Variants in MINDY4 observed in about 807,000 individuals in gnomAD.
MINDY4 encodes the protein probable ubiquitin carboxyl-terminal hydrolase MINDY-4.
Under a neutral mutation model 87.0 loss-of-function variants are expected in MINDY4, and 68 were observed. The observed-to-expected ratio is 0.78, with a 90% CI of 0.64 to 0.96. The LOEUF (loss-of-function observed/expected upper bound fraction) is 0.96. MINDY4 is among the 40% of genes least tolerant of loss of function. MINDY4 has a pLI of 0.00. For synonymous variants in MINDY4, 379 were observed against 363.2 expected (o/e 1.04, Z -0.50); for missense variants, 919 against 928.2 (o/e 0.99, Z 0.13).
At chr7:30,836,605 C>A in intron 6 of MINDY4, 53 bp from the exon 7 acceptor site, 1 of 1,414,834 alleles carries the variant, frequency 7.1e-7, no homozygotes, top group Non-Finnish European at 1.0e-6. Context: ...ACTTCATGTT[C>A]TGTTCTCCGT....
chr7:30,856,524 GT>G (rs766840875), intron 12 of MINDY4, among the ~76,000 whole-genome samples: 89 of 152,010 alleles, frequency 5.9e-4, no homozygotes, highest in Middle Eastern at 3.4e-3. Context: ...CAGAGTTGGG[GT>G]TTACAGTGGG....
chr7:30,791,508 C>A lies in MINDY4; in HGVS notation c.1007C>A (p.Ser336Tyr). The A allele has an allele frequency of 6.2e-7, 1 of 1,613,926 alleles. No homozygotes were observed. The highest frequency in any genetic ancestry group is 8.5e-7 in the Non-Finnish European group (1 of 1,179,922). ...AAGCTCTACTTGCCTGGTGGTAATT[C>A]CAGGATGACCCAGGAGAGGCTGGAA... The part of the protein sequence containing the change: ...PLKLYLPGGN[S>Y]RMTQERLERA... The change falls in exon 5 of 18, where the codon TCC becomes TAC. Residue 336 changes from serine to tyrosine, a missense_variant. By Grantham distance (144) the Ser-to-Tyr change is moderately radical (BLOSUM62 -2). Coordinates refer to ENST00000265299, the MANE Select transcript of MINDY4 (RefSeq NM_032222.3).
chr7:30,886,857 T>A (rs561037652), intron 17 of MINDY4, among the ~76,000 whole-genome samples: 2 of 152,086 alleles, frequency 1.3e-5, no homozygotes, highest in African/African-American at 2.4e-5. Flanking sequence ...CCCACTGTTA[T>A]ACTGTAACCA....
intron 8 of MINDY4, 147 bp from the exon 9 acceptor site, chr7:30,840,613 G>A: frequency 1.6e-6 from 1 of 623,638 alleles, no homozygotes; most frequent in African/African-American, 1.8e-5. Flanking sequence ...GTGTGTTGTA[G>A]AAGCAGTTGC....
intron 5 of MINDY4, among the ~76,000 whole-genome samples, chr7:30,826,078 C>T (rs1269591622): frequency 6.6e-6 from 1 of 152,188 alleles, no homozygotes; most frequent in African/African-American, 2.4e-5. Flanking sequence ...TTCTCTTCTC[C>T]CTTTACCTCT....
intron 16 of MINDY4, among the ~76,000 whole-genome samples, chr7:30,882,655 G>A (rs1240124594): frequency 6.6e-6 from 1 of 152,222 alleles, no homozygotes; most frequent in African/African-American, 2.4e-5. Context: ...TTCAGGCAGT[G>A]GCGAGCCATG....
At chr7:30,869,687 A>C (rs770810009) in intron 13 of MINDY4, among the ~76,000 whole-genome samples, 42 of 152,154 alleles carry the variant, frequency 2.8e-4, no homozygotes, top group Admixed American at 5.9e-4. Flanking sequence ...CCTCATTTTA[A>C]GTTAGTCACC....
At chr7:30,816,910 G>A (rs1375252425) in intron 5 of MINDY4, among the ~76,000 whole-genome samples, 1 of 152,168 alleles carries the variant, frequency 6.6e-6, no homozygotes, top group Non-Finnish European at 1.5e-5. Flanking sequence ...ATATGTTGTA[G>A]GTCAACCGTT....
chr7:30,847,933 A>G (rs575322147), intron 9 of MINDY4, among the ~76,000 whole-genome samples: 5 of 152,172 alleles, frequency 3.3e-5, no homozygotes, highest in East Asian at 1.9e-4. Flanking sequence ...GAGTCTCGCT[A>G]TGTTGCCTGG....
intron 5 of MINDY4, among the ~76,000 whole-genome samples, chr7:30,799,396 A>G (rs528693681): frequency 1.3e-5 from 2 of 152,262 alleles, no homozygotes; most frequent in East Asian, 3.9e-4. Context: ...TGGATTTAGG[A>G]CACAGCAACC....
At chr7:30,829,209 T>A (rs1191935691) in intron 6 of MINDY4, among the ~76,000 whole-genome samples, 1 of 152,256 alleles carries the variant, frequency 6.6e-6, no homozygotes. Context: ...TCTTCACTTC[T>A]GTGTACATCT....
At chr7:30,786,208 C>T in intron 4 of MINDY4, 1 of 586,912 alleles carries the variant, frequency 1.7e-6, no homozygotes, top group South Asian at 2.3e-5. Flanking sequence ...CCTTAGCTTA[C>T]CCATTTTGTT....
At chr7:30,834,905 A>T (rs949974042) in intron 6 of MINDY4, among the ~76,000 whole-genome samples, 1 of 152,160 alleles carries the variant, frequency 6.6e-6, no homozygotes, top group Admixed American at 6.5e-5. Context: ...CCCCCTCTCC[A>T]TCTGAGACCT....
At position 30,827,662 on chromosome 7, in the gene MINDY4, G is replaced by A. The variant is rs572188405; in HGVS notation, c.1074-1017G>A. On this transcript the variant is annotated intron_variant, in intron 5 of 17. Coordinates refer to ENST00000265299, the MANE Select transcript of MINDY4 (RefSeq NM_032222.3). ...GAGGATGAGGACTGCCTGGGAGGGA[G>A]GGTGAGGGAGTTCTGTGTTCTAGCG... 1.3e-3 allele frequency among the ~76,000 whole-genome samples: 205 copies of A among 152,308 alleles called. 1 individual carries two copies. The highest frequency in any genetic ancestry group is 4.7e-3 in the African/African-American group (197 of 41,560).
At chr7:30,801,088 C>A (rs1371513398) in intron 5 of MINDY4, among the ~76,000 whole-genome samples, 2 of 152,108 alleles carry the variant, frequency 1.3e-5, no homozygotes, top group African/African-American at 2.4e-5. Context: ...GGAGTGAAAG[C>A]CACGGGCGCA....
rs73685795 is a variant in MINDY4 at position 30,785,987 on chromosome 7, C to T, written c.658C>T (p.Pro220Ser). Residue 220 changes from proline to serine, a missense_variant, in exon 4 of 18, where the codon CCA becomes TCA. Pro to Ser is a moderately conservative substitution (Grantham distance 74). Transcript: ENST00000265299. The stretch of plus-strand genomic sequence containing the variant: ...GATGTCTGGGCCCATCGCCAGCTCC[C>T]CACAGGTGGGGCTGTTGCTCTTTCT... ...GMMSGPIASS[P>S]QDSFHRHYLR... 6.3e-3 allele frequency: 10,174 copies of T among 1,613,960 alleles called. 544 individuals are homozygous for T. In the African/African-American group the frequency reaches 0.12, roughly 18 times the overall value.
chr7:30,841,666 T>C (rs1385403796), intron 9 of MINDY4, among the ~76,000 whole-genome samples: 1 of 152,162 alleles, frequency 6.6e-6, no homozygotes, highest in African/African-American at 2.4e-5. Context: ...AAATATAACA[T>C]ATACACAGTA....
At chr7:30,802,904 C>T (rs1046182235) in intron 5 of MINDY4, among the ~76,000 whole-genome samples, 2 of 151,964 alleles carry the variant, frequency 1.3e-5, no homozygotes, top group Non-Finnish European at 2.9e-5. Flanking sequence ...TCCAACAAAC[C>T]ATTCCACCCA....
intron 7 of MINDY4, among the ~76,000 whole-genome samples, chr7:30,837,812 T>A (rs1389528318): frequency 2.0e-5 from 3 of 152,200 alleles, no homozygotes; most frequent in Non-Finnish European, 4.4e-5. Context: ...GAGTCCAGGT[T>A]CCCAGGCTCT....
Sources: allele counts gnomAD v4.1 joint callset (sites outside exome capture counted in the v4.1 genomes callset), GRCh38; gene constraint gnomAD v4.1.1; transcripts MANE v1.5; gene names NCBI Gene and HGNC (gene_info 2026-07-23, HGNC 2026-07-21).